The following PCDHA1 variants were observed in gnomAD, a reference collection of about 807,000 sequenced individuals.
PCDHA1 encodes protocadherin alpha-1.
In PCDHA1, 42 loss-of-function variants were observed where a neutral mutation model predicts 61.3. The observed-to-expected ratio is 0.69, with a 90% confidence interval of 0.54 to 0.89. PCDHA1 has a LOEUF of 0.89. Among genes scored for constraint, PCDHA1 ranks in the 40% least tolerant of loss-of-function variants. PCDHA1 has a pLI of 0.00. For synonymous variants in PCDHA1, 610 were observed against 553.8 expected, an observed-to-expected ratio of 1.10 and a Z score of -1.43; for missense variants, 1,256 against 1,235.3, an observed-to-expected ratio of 1.02 and a Z score of -0.25.
At position 140,853,409 on chromosome 5, in the gene PCDHA1, G is replaced by C. The variant is rs2042740384; in HGVS notation, c.2394+64725G>C. 1.0e-5 allele frequency: 10 copies of C among 985,968 alleles called. 2 individuals are homozygous for C. Among genetic ancestry groups the C allele is most frequent in the Non-Finnish European group, 1.2e-5 (10 of 818,342 alleles). 61.1% of individuals were successfully genotyped at this position (985,968 alleles called of 1,614,324 possible). On this transcript the variant is annotated intron_variant, in intron 1 of 3. Transcript: ENST00000504120. Reference sequence around the variant, plus strand: ...CAGCCTGTCAAGTTCAAAACAGAGAGGTGAAAGCAGAAGAGACACTTTCCT... The same window carrying C: ...CAGCCTGTCAAGTTCAAAACAGAGACGTGAAAGCAGAAGAGACACTTTCCT...
At position 140,832,752 on chromosome 5, in the gene PCDHA1, A is replaced by T. The variant is rs2150203756; in HGVS notation, c.2394+44068A>T. Among the ~76,000 whole-genome samples the T allele has an allele frequency of 2.0e-5, 3 of 152,322 alleles. No individual in the cohort carries two copies. In the East Asian group the frequency reaches 5.8e-4, roughly 29 times the overall value. ...ATCCTACATAAATACGATGATAGTA[A>T]AAGCAAGAATATTGTAAGAGGTGCT... is the stretch of plus-strand genomic sequence containing the variant. On this transcript the variant is annotated intron_variant, in intron 1 of 3. Coordinates refer to ENST00000504120, the MANE Select transcript of PCDHA1 (RefSeq NM_018900.4).
At chr5:141,008,382 A>G (rs1458485740) in intron 3 of PCDHA1, among the ~76,000 whole-genome samples, 1 of 152,166 alleles carries the variant, frequency 6.6e-6, no homozygotes, top group African/African-American at 2.4e-5. Flanking sequence ...ATACATAAAC[A>G]TTGCTATGAT....
At chr5:140,862,662 C>A (rs1365074780) in intron 1 of PCDHA1, 3 of 546,742 alleles carry the variant, frequency 5.5e-6, no homozygotes, top group South Asian at 1.4e-5. Flanking sequence ...GGGACCGGGA[C>A]GCGCAGGAGA....
At position 140,852,928 on chromosome 5, in the gene PCDHA1, G is replaced by A. The variant is rs2150525567; in HGVS notation, c.2394+64244G>A. 7.3e-5 allele frequency: 48 copies of A among 653,604 alleles called. 1 individual carries two copies. The highest frequency in any genetic ancestry group is 1.3e-4 in the East Asian group (1 of 7,716). 40.5% of individuals were successfully genotyped at this position (653,604 alleles called of 1,614,324 possible). ...GAGTCTCGCTCTGTTGCCCAGGCTG[G>A]AGTGCAGTGGTGCCATCTTGGCTCA... On this transcript the variant is annotated intron_variant, in intron 1 of 3. Transcript: ENST00000504120.
rs2086142013 is a variant in PCDHA1, at chr5:140,929,415, C to T, written c.2395-49534C>T. 11 of 1,504,150 alleles carry T rather than the reference C, an allele frequency of 7.3e-6. 1 individual carries two copies. In the South Asian group the frequency reaches 1.2e-4, roughly 17 times the overall value. 93.2% of individuals were successfully genotyped at this position (1,504,150 alleles called of 1,614,324 possible). A position where few individuals can be genotyped will look rare whatever the true frequency, so the allele number is the denominator to read the frequency against. On this transcript the variant is annotated intron_variant, in intron 1 of 3. Coordinates refer to ENST00000504120, the MANE Select transcript of PCDHA1 (RefSeq NM_018900.4). The stretch of plus-strand genomic sequence containing the variant: ...TATTTCTTAGACAAGCCTTTCACAA[C>T]ATTTCATCAATTGAACTAAACACTC...
chr5:140,887,387 C>T (rs959255749), intron 1 of PCDHA1, among the ~76,000 whole-genome samples: 8 of 152,106 alleles, frequency 5.3e-5, no homozygotes, highest in Non-Finnish European at 1.5e-5. Context: ...TGAGCCACCG[C>T]GCCCGGCTCT....
intron 1 of PCDHA1, among the ~76,000 whole-genome samples, chr5:140,974,864 C>T (rs949061887): frequency 6.6e-6 from 1 of 152,124 alleles, no homozygotes; most frequent in Non-Finnish European, 1.5e-5. Flanking sequence ...TGCCTTAATG[C>T]GGAACAGTCT....
At chr5:140,941,321 T>C (rs1220701599) in intron 1 of PCDHA1, among the ~76,000 whole-genome samples, 5 of 62,540 alleles carry the variant, frequency 8.0e-5, no homozygotes, top group African/African-American at 2.0e-4. Context: ...TTCTTTCTCT[T>C]TTTTTTTTTT....
intron 1 of PCDHA1, chr5:140,842,695 C>A (rs1554139285): frequency 6.3e-7 from 1 of 1,595,194 alleles, no homozygotes. Context: ...TCGCGCAGCC[C>A]GAGTACACGG....
chr5:140,871,447 G>A, intron 1 of PCDHA1: 1 of 1,609,656 alleles, frequency 6.2e-7, no homozygotes, highest in Non-Finnish European at 8.5e-7. Context: ...TCTGAATAAA[G>A]AGGAGGAAGG....
At chr5:140,807,077 C>A (rs1763842173) in intron 1 of PCDHA1, 2 of 1,247,964 alleles carry the variant, frequency 1.6e-6, no homozygotes, top group Non-Finnish European at 2.3e-6. Flanking sequence ...CATATACACT[C>A]TTTGGAGTCT....
rs141028628 is a variant in PCDHA1 at position 140,891,378 on chromosome 5, T to A, written c.2395-87571T>A. Among the ~76,000 whole-genome samples the A allele has an allele frequency of 2.3e-4, 35 of 152,222 alleles. 1 individual carries two copies. The East Asian group carries it at 6.8e-3, about 29-fold the overall frequency. On this transcript the variant is annotated intron_variant, in intron 1 of 3. Coordinates refer to ENST00000504120, the MANE Select transcript of PCDHA1 (RefSeq NM_018900.4). ...CACCTGAGCAGTATACATTGCACCA[T>A]ATTTGCAATCTTTTATCCCTCGCCA...
chr5:141,006,937 A>G (rs1341234151), intron 3 of PCDHA1, among the ~76,000 whole-genome samples: 1 of 152,206 alleles, frequency 6.6e-6, no homozygotes, highest in Non-Finnish European at 1.5e-5. Context: ...AACTGGGGAT[A>G]CCAGATAGGC....
At chr5:140,978,740 A>G (rs2096821027) in intron 1 of PCDHA1, among the ~76,000 whole-genome samples, 1 of 152,254 alleles carries the variant, frequency 6.6e-6, no homozygotes, top group Non-Finnish European at 1.5e-5. Flanking sequence ...CTTCCAGGGT[A>G]TCTAATCTGT....
Position 140,786,537 on chromosome 5 carries a change from A to G in PCDHA1, c.247A>G (p.Ile83Val), listed in dbSNP as rs782062100. 6.2e-7 allele frequency: 1 copy of G among 1,614,174 alleles called. No individual in the cohort carries two copies. The highest frequency in any genetic ancestry group is 8.5e-7 in the Non-Finnish European group (1 of 1,180,040). Residue 83 changes from isoleucine to valine, a missense_variant, in exon 1 of 4, where the codon ATT becomes GTT. Transcript: ENST00000504120. ...DLLEVNLQNG[I>V]LFVNSRIDRE... is the part of the protein sequence containing the mutation. ...TCTGGAGGTAAATCTGCAGAATGGCATTTTGTTTGTGAATTCTCGGATCGA... is the reference window on the plus strand; with the variant it reads ...TCTGGAGGTAAATCTGCAGAATGGCGTTTTGTTTGTGAATTCTCGGATCGA...
At chr5:140,831,281 C>G (rs1312764536) in intron 1 of PCDHA1, 1 of 152,158 alleles carries the variant, frequency 6.6e-6, no homozygotes, top group Non-Finnish European at 1.5e-5. Context: ...ATGGTCTTCT[C>G]TTCATGGAGT....
intron 1 of PCDHA1, chr5:140,824,778 C>A (rs189409181): frequency 7.3e-4 from 111 of 151,842 alleles, no homozygotes; most frequent in African/African-American, 2.6e-3. Flanking sequence ...TGTTTTAACA[C>A]CACCCTTCCA....
At chr5:140,908,971 C>T (rs2074247509) in intron 1 of PCDHA1, among the ~76,000 whole-genome samples, 1 of 152,274 alleles carries the variant, frequency 6.6e-6, no homozygotes, top group Admixed American at 6.5e-5. Flanking sequence ...TGATAGGCCC[C>T]ACTCCACTGG....
intron 3 of PCDHA1, among the ~76,000 whole-genome samples, chr5:140,990,425 T>G (rs1268987059): frequency 6.6e-6 from 1 of 152,214 alleles, no homozygotes; most frequent in Non-Finnish European, 1.5e-5. Context: ...CAACCAGCAT[T>G]GACCCAATCT....
Sources: gnomAD v4.1 joint callset for allele counts (sites outside exome capture counted in the v4.1 genomes callset) on GRCh38, gnomAD v4.1.1 for gene constraint, MANE v1.5 for transcripts, NCBI Gene and HGNC (gene_info 2026-07-23, HGNC 2026-07-21) for gene names.